The following GRAMD1C variants were observed in gnomAD, a reference collection of about 807,000 sequenced individuals.
GRAMD1C encodes GRAM domain containing 1C, also known as protein Aster-C.
GRAMD1C carries 89 observed loss-of-function variants against 97.8 expected under a neutral mutation model. The ratio of observed to expected loss-of-function variants is 0.91; its 90% CI spans 0.77 to 1.09. GRAMD1C has a LOEUF of 1.09. Ranked by LOEUF, GRAMD1C falls within the 50% of genes least tolerant of loss-of-function variation. GRAMD1C has a pLI of 0.00. For synonymous variants in GRAMD1C, 256 were observed against 267.0 expected, an observed-to-expected ratio of 0.96 and a Z score of 0.40; for missense variants, 740 against 766.4, an observed-to-expected ratio of 0.97 and a Z score of 0.41.
chr3:113,885,586 T>A (rs770214300), intron 6 of GRAMD1C: 3 of 1,541,326 alleles, frequency 1.9e-6, no homozygotes, highest in Non-Finnish European at 2.7e-6. Flanking sequence ...ATCCTCAAGG[T>A]GGTAATAGAC....
chr3:113,857,292 T>G (rs1337343694), intron 2 of GRAMD1C, among the ~76,000 whole-genome samples: 1 of 152,292 alleles, frequency 6.6e-6, no homozygotes, highest in East Asian at 1.9e-4. Context: ...GAGGAAATCA[T>G]TAAGGCTTTC....
intron 1 of GRAMD1C, among the ~76,000 whole-genome samples, chr3:113,842,564 C>T (rs1933377507): frequency 6.6e-6 from 1 of 152,118 alleles, no homozygotes; most frequent in Admixed American, 6.6e-5. Context: ...AGGAGGTCTT[C>T]TCTACCCTCT....
chr3:113,939,846 C>A (rs1480383794), intron 15 of GRAMD1C, 40 bp from the exon 16 acceptor site: 2 of 1,061,700 alleles, frequency 1.9e-6, no homozygotes, highest in East Asian at 2.4e-5. Context: ...TGCTTTAGGT[C>A]TGGAAAAGTG....
intron 2 of GRAMD1C, among the ~76,000 whole-genome samples, chr3:113,856,843 A>G (rs1474411673): frequency 1.4e-5 from 2 of 140,886 alleles, no homozygotes; most frequent in African/African-American, 5.3e-5. Context: ...CCAGCTGCCT[A>G]TTTTTTTTTT....
chr3:113,850,600 C>T lies in GRAMD1C; in HGVS notation c.174+5951C>T. On this transcript the variant is annotated intron_variant, in intron 2 of 17. Coordinates refer to ENST00000358160, the MANE Select transcript of GRAMD1C (RefSeq NM_017577.5). ...TTGAGAGACTGCATGGCCTTCATGA[C>T]ATGAAGGTTGGGCACATTCTTGTCT... is the stretch of plus-strand genomic sequence containing the variant. 3 of 1,607,768 alleles carry T rather than the reference C, an allele frequency of 1.9e-6. No homozygotes were observed. In the South Asian group the frequency reaches 3.3e-5, roughly 18 times the overall value.
At chr3:113,917,795 C>G (rs143295480) in intron 10 of GRAMD1C, among the ~76,000 whole-genome samples, 1 of 148,990 alleles carries the variant, frequency 6.7e-6, no homozygotes. Context: ...TGGGCTCAAG[C>G]GATTCTTGCA....
intron 6 of GRAMD1C, among the ~76,000 whole-genome samples, chr3:113,883,479 C>T (rs990213652): frequency 6.7e-6 from 1 of 149,224 alleles, no homozygotes; most frequent in African/African-American, 2.5e-5. Context: ...GAGCCATTAT[C>T]GTGCCACGGC....
intron 9 of GRAMD1C, among the ~76,000 whole-genome samples, chr3:113,913,429 C>CAAAAAAAAAAAA (rs765510213): frequency 1.5e-5 from 1 of 68,298 alleles, no homozygotes; most frequent in African/African-American, 5.4e-5. Flanking sequence ...ACTCTGTCTC[C>CAAAAAAAAAAAA]AAAAAAAAAA....
Position 113,938,132 on chromosome 3 carries a change from A to C in GRAMD1C, c.1680A>C (p.Val560=). Residue 560 remains valine, a synonymous_variant, in exon 15 of 18, where the codon GTA becomes GTC. Transcript: ENST00000358160. ...ACTATAACGTCACTCTTATTGTGGT[A>C]ATGAGTATTTTGTAAGTATTTGTTG... is the stretch of plus-strand genomic sequence containing the variant. ...MENYNVTLIV[V]MSIFVLLLVL... is the part of the protein sequence containing the mutation. 1 of 1,498,224 alleles carries C rather than the reference A, an allele frequency of 6.7e-7. No homozygotes were observed. The highest frequency in any genetic ancestry group is 9.1e-7 in the Non-Finnish European group (1 of 1,094,480). The allele number at this position is 1,498,224 out of a possible 1,614,324, so 92.8% of individuals were successfully genotyped here.
chr3:113,906,551 TCTAAC>T (rs990561235), intron 8 of GRAMD1C, among the ~76,000 whole-genome samples: 2 of 152,112 alleles, frequency 1.3e-5, no homozygotes, highest in Non-Finnish European at 2.9e-5. Context: ...GTGTTTGTGG[TCTAAC>T]CTAAGTATTT....
intron 2 of GRAMD1C, among the ~76,000 whole-genome samples, chr3:113,855,081 G>A (rs1330458900): frequency 6.6e-6 from 1 of 152,176 alleles, no homozygotes; most frequent in Non-Finnish European, 1.5e-5. Flanking sequence ...GGGGGCCGAG[G>A]TGGGCAGATC....
chr3:113,900,171 C>A (rs569360256), intron 6 of GRAMD1C, among the ~76,000 whole-genome samples: 1 of 151,724 alleles, frequency 6.6e-6, no homozygotes, highest in Non-Finnish European at 1.5e-5. Flanking sequence ...CCAGCCTGGC[C>A]AACATGGTGA....
intron 10 of GRAMD1C, chr3:113,919,916 A>G (rs1018100306): frequency 7.7e-6 from 5 of 652,318 alleles, no homozygotes; most frequent in African/African-American, 1.8e-5. Flanking sequence ...ATCACCAAAT[A>G]TGAAATAATG....
At chr3:113,930,372 T>C (rs1937364877) in intron 10 of GRAMD1C, among the ~76,000 whole-genome samples, 1 of 152,238 alleles carries the variant, frequency 6.6e-6, no homozygotes, top group African/African-American at 2.4e-5. Flanking sequence ...CCGTCTCTGA[T>C]AAACCTGGCA....
chr3:113,940,434 C>A, intron 17 of GRAMD1C, 89 bp downstream of exon 17: 1 of 750,156 alleles, frequency 1.3e-6, no homozygotes, highest in South Asian at 1.8e-5. Flanking sequence ...ATTTACCCTA[C>A]TATCGTTTGA....
intron 14 of GRAMD1C, 133 bp downstream of exon 14, chr3:113,936,575 C>G (rs2107376519): frequency 1.7e-6 from 1 of 573,514 alleles, no homozygotes; most frequent in Middle Eastern, 3.5e-4. Flanking sequence ...GTTTATCAAA[C>G]TCTGATTTCC....
intron 17 of GRAMD1C, among the ~76,000 whole-genome samples, chr3:113,941,452 A>T (rs2107385037): frequency 6.6e-6 from 1 of 152,160 alleles, no homozygotes; most frequent in East Asian, 1.9e-4. Context: ...GTTATGTAAT[A>T]TTCTTACCTT....
chr3:113,929,239 C>A (rs1937328960), intron 10 of GRAMD1C, among the ~76,000 whole-genome samples: 1 of 152,314 alleles, frequency 6.6e-6, no homozygotes, highest in East Asian at 1.9e-4. Flanking sequence ...TTTTATATAT[C>A]AAAATGGTTC....
At chr3:113,936,195 A>AC (rs1937574329) in intron 13 of GRAMD1C, 71 bp from the exon 14 acceptor site, 2 of 859,604 alleles carry the variant, frequency 2.3e-6, no homozygotes. Context: ...AAAAATAACC[A>AC]CCAAAACCCA....
Sources: allele counts gnomAD v4.1 joint callset (sites outside exome capture counted in the v4.1 genomes callset), GRCh38; gene constraint gnomAD v4.1.1; transcripts MANE v1.5; gene names NCBI Gene and HGNC (gene_info 2026-07-23, HGNC 2026-07-21).